Variants in KLKB1 observed in about 807,000 individuals in gnomAD.
The protein encoded by KLKB1 is kallikrein B1, also known as plasma kallikrein.
A neutral mutation model predicts 73.6 loss-of-function variants in KLKB1; 58 were observed. That is an observed-to-expected ratio of 0.79 (90% CI 0.64 to 0.98). The LOEUF (loss-of-function observed/expected upper bound fraction) is 0.98, where lower values mean the gene tolerates loss of function less well. Among genes scored for constraint, KLKB1 ranks in the 50% least tolerant of loss-of-function variants. KLKB1 has a pLI of 0.00. For synonymous variants in KLKB1, 280 were observed against 258.1 expected (o/e 1.08, Z -0.81); for missense variants, 737 against 763.8 (o/e 0.96, Z 0.41).
intron 6 of KLKB1, among the ~76,000 whole-genome samples, chr4:186,249,883 A>C (rs1738573509): frequency 6.6e-6 from 1 of 151,250 alleles, no homozygotes. Context: ...ATTTTTTATA[A>C]TATTCAGGAA....
intron 3 of KLKB1, among the ~76,000 whole-genome samples, chr4:186,233,099 G>A (rs1344169037): frequency 9.2e-6 from 1 of 109,214 alleles, no homozygotes; most frequent in Non-Finnish European, 1.9e-5. Flanking sequence ...AGTTTTAGTA[G>A]AGACGGGGTT....
At chr4:186,242,153 G>C (rs1183024546) in intron 6 of KLKB1, among the ~76,000 whole-genome samples, 1 of 80,788 alleles carries the variant, frequency 1.2e-5, no homozygotes, top group Non-Finnish European at 3.0e-5. Context: ...GGCAGCGGTG[G>C]GGGGTCACAA....
intron 11 of KLKB1, 102 bp downstream of exon 11, chr4:186,252,287 C>T (rs1392397152): frequency 1.6e-5 from 20 of 1,252,848 alleles, no homozygotes; most frequent in Non-Finnish European, 2.1e-5. Context: ...TGAATAGAGA[C>T]GTGTTAAAGC....
At chr4:186,215,688 C>T (rs1377259193) in intron 2 of KLKB1, among the ~76,000 whole-genome samples, 10 of 152,282 alleles carry the variant, frequency 6.6e-5, no homozygotes, top group Middle Eastern at 3.4e-3. Flanking sequence ...ATCATCCCAC[C>T]TCAGTCTGCT....
intron 3 of KLKB1, among the ~76,000 whole-genome samples, chr4:186,232,867 A>T (rs1357140775): frequency 6.6e-6 from 1 of 152,058 alleles, no homozygotes; most frequent in Non-Finnish European, 1.5e-5. Flanking sequence ...TTGTGTGAAT[A>T]TGTATTATTA....
At position 186,251,806 on chromosome 4, in the gene KLKB1, G is replaced by A; in HGVS notation, c.1089G>A (p.Gly363=). Residue 363 remains glycine, a synonymous_variant, in exon 10 of 15, where the codon GGG becomes GGA. Transcript: ENST00000264690. The stretch of plus-strand genomic sequence containing the variant: ...GTTCTCCAACTAGGATTGCGTATGG[G>A]ACACAAGGGAGCTCTGGTTACTCTT... ...MDGSPTRIAY[G]TQGSSGYSLR... is the part of the protein sequence containing the mutation. 1.2e-6 allele frequency: 2 copies of A among 1,614,062 alleles called. No homozygotes were observed. Among genetic ancestry groups the A allele is most frequent in the South Asian group, 1.1e-5 (1 of 91,078 alleles).
At chr4:186,243,643 C>G (rs563539232) in intron 6 of KLKB1, among the ~76,000 whole-genome samples, 44 of 152,220 alleles carry the variant, frequency 2.9e-4, no homozygotes, top group African/African-American at 9.6e-4. Context: ...GATGGAGAAC[C>G]CTTGTGTAGT....
At position 186,251,417 on chromosome 4, in the gene KLKB1, C is replaced by T. The variant is rs112328631; in HGVS notation, c.869-70C>T. 1.2e-5 allele frequency: 19 copies of T among 1,548,320 alleles called. No homozygotes were observed. In the African/African-American group the frequency reaches 1.6e-4, roughly 13 times the overall value. Reference sequence around the variant, plus strand: ...AGTGATGAAACAATCCTCAAGGTAACAGAAACTTGTGTAAATGTCGTTCAT... The same window carrying T: ...AGTGATGAAACAATCCTCAAGGTAATAGAAACTTGTGTAAATGTCGTTCAT... On this transcript the variant is annotated intron_variant, in intron 8 of 14. Transcript: ENST00000264690.
At position 186,251,337 on chromosome 4, in the gene KLKB1, A is replaced by T; in HGVS notation, c.868+9A>T. ...CAAAAGAACTTTACCTGGTAATGTG[A>T]TTTGATAATAATATTACATAAAATG... On this transcript the variant is annotated intron_variant, in intron 8 of 14. Coordinates refer to ENST00000264690, the MANE Select transcript of KLKB1 (RefSeq NM_000892.5). 6.4e-7 allele frequency: 1 copy of T among 1,559,168 alleles called. No individual in the cohort carries two copies. Among genetic ancestry groups the T allele is most frequent in the Non-Finnish European group, 8.8e-7 (1 of 1,129,994 alleles).
At chr4:186,255,896 A>G (rs1384112305) in intron 12 of KLKB1, 96 bp from the exon 13 acceptor site, 3 of 831,536 alleles carry the variant, frequency 3.6e-6, no homozygotes, top group Non-Finnish European at 6.1e-6. Flanking sequence ...ATGCTACTCT[A>G]TAGAAAGAGA....
At position 186,250,414 on chromosome 4, in the gene KLKB1, T is replaced by G. The variant is rs373935277; in HGVS notation, c.758+12T>G. ...ATCGAGTCACAAAGGCGAGTATGCA[T>G]GGAAAATCGCATCACAAAGGCGAGT... On this transcript the variant is annotated intron_variant, in intron 7 of 14. Coordinates refer to ENST00000264690, the MANE Select transcript of KLKB1 (RefSeq NM_000892.5). 2.3e-5 allele frequency: 37 copies of G among 1,613,524 alleles called. No homozygotes were observed. Among genetic ancestry groups the G allele is most frequent in the Non-Finnish European group, 3.1e-5 (36 of 1,179,532 alleles).
chr4:186,232,370 A>C (rs1737442152), intron 3 of KLKB1, 81 bp downstream of exon 3: 1 of 1,325,632 alleles, frequency 7.5e-7, no homozygotes, highest in Non-Finnish European at 1.1e-6. Flanking sequence ...AGTATAACTG[A>C]GAGTTCTTCC....
At chr4:186,257,413 C>A (rs1739061496) in intron 14 of KLKB1, 48 bp downstream of exon 14, 3 of 1,494,756 alleles carry the variant, frequency 2.0e-6, no homozygotes, top group South Asian at 2.8e-5. Flanking sequence ...TGAGAAAATT[C>A]ATTTCAAAAT....
intron 6 of KLKB1, among the ~76,000 whole-genome samples, chr4:186,245,838 A>ATTTTTTTTTTTTTTT (rs1554078512): frequency 1.5e-5 from 1 of 68,538 alleles, no homozygotes; most frequent in Non-Finnish European, 3.9e-5. Flanking sequence ...TTTTTTTTTA[A>ATTTTTTTTTTTTTTT]TGTCAGGAGC....
upstream of KLKB1, among the ~76,000 whole-genome samples, chr4:186,225,823 G>C (rs2126619070): frequency 6.6e-6 from 1 of 151,956 alleles, no homozygotes; most frequent in East Asian, 1.9e-4. Flanking sequence ...AATTTTGAGA[G>C]TTTTCTATTC....
At chr4:186,234,742 G>A (rs1731643887) in intron 4 of KLKB1, among the ~76,000 whole-genome samples, 2 of 152,180 alleles carry the variant, frequency 1.3e-5, no homozygotes, top group African/African-American at 4.8e-5. Context: ...CTTTGATTCT[G>A]ACATCTGAAG....
intron 11 of KLKB1, among the ~76,000 whole-genome samples, chr4:186,252,911 A>G (rs758688596): frequency 2.0e-5 from 3 of 152,266 alleles, no homozygotes; most frequent in Non-Finnish European, 4.4e-5. Context: ...AATTTGATCT[A>G]TTTCAATTTA....
In KLKB1 at chr4:186,252,647, GCCACCAATCCCA is replaced by G. The variant is rs200357845; in HGVS notation, c.1313+480_1313+491del. On this transcript the variant is annotated intron_variant, in intron 11 of 14. Coordinates refer to ENST00000264690, the MANE Select transcript of KLKB1 (RefSeq NM_000892.5). ...CACGACCAATCCCACCACCGATCCC[GCCACCAATCCCA>G]CCACCAATCCCACCACCTACCCCAC... 7.5e-3 allele frequency among the ~76,000 whole-genome samples: 67 copies of G among 8,950 alleles called. 6 individuals are homozygous for G. The highest frequency in any genetic ancestry group is 0.011 in the African/African-American group (29 of 2,606). The allele number at this position is 8,950 out of a possible 152,430, so 5.9% of individuals were successfully genotyped here. A position where few individuals can be genotyped will look rare whatever the true frequency, so the allele number is the denominator to read the frequency against.
intron 13 of KLKB1, 86 bp downstream of exon 13, chr4:186,256,173 CT>C (rs1738984561): frequency 1.3e-6 from 1 of 794,954 alleles, no homozygotes; most frequent in Non-Finnish European, 2.2e-6. Context: ...CGGTTTCTGT[CT>C]GAAATTATAT....
Sources: allele counts gnomAD v4.1 joint callset (sites outside exome capture counted in the v4.1 genomes callset), GRCh38; gene constraint gnomAD v4.1.1; transcripts MANE v1.5; gene names NCBI Gene and HGNC (gene_info 2026-07-23, HGNC 2026-07-21).